Variants in CSMD1 observed in about 807,000 individuals in gnomAD.
CSMD1 encodes CUB and Sushi multiple domains 1.
A neutral mutation model predicts 417.5 loss-of-function variants in CSMD1; 213 were observed. The observed-to-expected ratio is 0.51, with a 90% CI of 0.46 to 0.57. The LOEUF (loss-of-function observed/expected upper bound fraction) is 0.57. Among genes scored for constraint, CSMD1 ranks in the 20% least tolerant of loss-of-function variants. CSMD1 has a pLI of 0.00. For missense variants in CSMD1, 6,923 were observed against 4,529.7 expected, an observed-to-expected ratio of 1.53 and a Z score of -15.17; for synonymous variants, 2,862 against 1,736.8, an observed-to-expected ratio of 1.65 and a Z score of -16.11.
rs117047357 is a variant in CSMD1 at position 3,904,526 on chromosome 8, C to G, written c.818+93377G>C. Among the ~76,000 whole-genome samples the G allele has an allele frequency of 7.2e-3, 1,098 of 152,218 alleles. 40 individuals carry two copies. Among genetic ancestry groups the G allele is most frequent in the Admixed American group, 0.05 (760 of 15,290 alleles). The stretch of plus-strand genomic sequence containing the variant: ...GTATTCCACATTTCTAAGAAACTGA[C>G]AGGTGATACCAAAGCTGTTGTATGT... On this transcript the variant is annotated intron_variant, in intron 5 of 69. Coordinates refer to ENST00000635120, the MANE Select transcript of CSMD1 (RefSeq NM_033225.6).
intron 6 of CSMD1, among the ~76,000 whole-genome samples, chr8:3,746,853 G>A (rs4639541): frequency 0.075 from 11,352 of 152,138 alleles, 477 homozygotes; most frequent in East Asian, 0.1. Flanking sequence ...GGTCAATAGG[G>A]TGGGGCTAAG....
At chr8:3,622,913 A>T (rs948444148) in intron 7 of CSMD1, among the ~76,000 whole-genome samples, 1 of 152,194 alleles carries the variant, frequency 6.6e-6, no homozygotes, top group Non-Finnish European at 1.5e-5. Context: ...ATTTTCAAAG[A>T]GAGGAATTAC....
rs142621178 is a variant in CSMD1 at position 4,383,111 on chromosome 8, T to C, written c.415+36842A>G. Among the ~76,000 whole-genome samples, 18 of 152,300 alleles carry C rather than the reference T, an allele frequency of 1.2e-4. No individual in the cohort carries two copies. The East Asian group carries it at 3.5e-3, about 29-fold the overall frequency. ...AATGCTATCATCCTCTATTATGGGC[T>C]TTCCTGTGTATTAAACTAAGCAACT... On this transcript the variant is annotated intron_variant, in intron 3 of 69. Transcript: ENST00000635120.
At chr8:4,977,499 A>T (rs1236437224) in intron 1 of CSMD1, among the ~76,000 whole-genome samples, 1 of 152,190 alleles carries the variant, frequency 6.6e-6, no homozygotes, top group Non-Finnish European at 1.5e-5. Context: ...CTTTCTTCAC[A>T]TTGGCATGAA....
chr8:3,847,033 C>G (rs1315623827), intron 5 of CSMD1, among the ~76,000 whole-genome samples: 2 of 152,094 alleles, frequency 1.3e-5, no homozygotes, highest in African/African-American at 4.8e-5. Flanking sequence ...GATGATGCCT[C>G]TTAGCAATCT....
At chr8:3,651,341 C>G (rs750235459) in intron 7 of CSMD1, among the ~76,000 whole-genome samples, 1 of 152,060 alleles carries the variant, frequency 6.6e-6, no homozygotes, top group Non-Finnish European at 1.5e-5. Context: ...CTAGTCCCCA[C>G]CCCCACACAC....
At chr8:4,547,932 G>A (rs977095987) in intron 2 of CSMD1, among the ~76,000 whole-genome samples, 12 of 152,194 alleles carry the variant, frequency 7.9e-5, no homozygotes, top group African/African-American at 2.2e-4. Flanking sequence ...AAACAACTTT[G>A]TTTTGGGTCT....
intron 7 of CSMD1, among the ~76,000 whole-genome samples, chr8:3,689,482 T>C (rs1456704260): frequency 1.3e-5 from 2 of 152,184 alleles, no homozygotes; most frequent in African/African-American, 4.8e-5. Flanking sequence ...GAAGACAGAA[T>C]AGTGTTTTTA....
rs569807493 is a variant in CSMD1, at chr8:3,903,650, G to A, written c.818+94253C>T. Reference sequence around the variant, plus strand: ...TAATGTGTCAGAAAATAAGGTTCTTGTTCCTTACAAATTGACCCTGGCTGT... The same window carrying A: ...TAATGTGTCAGAAAATAAGGTTCTTATTCCTTACAAATTGACCCTGGCTGT... On this transcript the variant is annotated intron_variant, in intron 5 of 69. Transcript: ENST00000635120. 4.1e-4 allele frequency among the ~76,000 whole-genome samples: 63 copies of A among 152,202 alleles called. 2 individuals carry two copies. The highest frequency in any genetic ancestry group is 1.9e-3 in the South Asian group (9 of 4,808).
At chr8:3,085,536 G>A (rs1377087575) in intron 49 of CSMD1, among the ~76,000 whole-genome samples, 2 of 152,188 alleles carry the variant, frequency 1.3e-5, no homozygotes, top group Non-Finnish European at 2.9e-5. Context: ...ACAAAGAAGA[G>A]ATACCCTGAT....
intron 5 of CSMD1, among the ~76,000 whole-genome samples, chr8:3,931,175 T>A (rs7001703): frequency 0.36 from 54,229 of 150,234 alleles, 11,682 homozygotes; most frequent in African/African-American, 0.45. Context: ...TTTTAAAGCA[T>A]CTTCCCCTCA....
intron 41 of CSMD1, among the ~76,000 whole-genome samples, chr8:3,125,319 C>T (rs1367761511): frequency 6.6e-6 from 1 of 152,228 alleles, no homozygotes; most frequent in Admixed American, 6.5e-5. Flanking sequence ...CCAGGCCACA[C>T]AGGTGTGAGA....
At chr8:3,228,542 G>A (rs992712989) in intron 27 of CSMD1, among the ~76,000 whole-genome samples, 20 of 152,264 alleles carry the variant, frequency 1.3e-4, no homozygotes, top group African/African-American at 4.8e-4. Context: ...GGTAGAGACA[G>A]GGGTATTTAT....
intron 12 of CSMD1, among the ~76,000 whole-genome samples, chr8:3,435,062 G>A (rs1007363592): frequency 4.6e-5 from 7 of 152,010 alleles, no homozygotes; most frequent in African/African-American, 1.2e-4. Context: ...AGCCCCTGGT[G>A]GGAGCTGCTA....
chr8:4,983,663 C>T (rs942572933), intron 1 of CSMD1, among the ~76,000 whole-genome samples: 4 of 152,216 alleles, frequency 2.6e-5, no homozygotes, highest in Non-Finnish European at 5.9e-5. Flanking sequence ...GCTTGGATTA[C>T]GGGTGCCAGC....
chr8:3,642,712 A>G (rs1797367889), intron 7 of CSMD1, among the ~76,000 whole-genome samples: 1 of 152,290 alleles, frequency 6.6e-6, no homozygotes, highest in East Asian at 1.9e-4. Flanking sequence ...TATTTAACAT[A>G]TATCTATTAG....
At chr8:3,825,136 G>A (rs556627781) in intron 5 of CSMD1, among the ~76,000 whole-genome samples, 1 of 152,226 alleles carries the variant, frequency 6.6e-6, no homozygotes, top group East Asian at 1.9e-4. Context: ...GGAAGCACAG[G>A]GGAGATTTCT....
chr8:4,222,439 T>C (rs1187900781), intron 3 of CSMD1, among the ~76,000 whole-genome samples: 1 of 151,940 alleles, frequency 6.6e-6, no homozygotes, highest in Non-Finnish European at 1.5e-5. Context: ...GTGAGGTCTT[T>C]GTGCATTGTG....
At chr8:4,629,745 G>C (rs188139144) in intron 2 of CSMD1, among the ~76,000 whole-genome samples, 3 of 152,110 alleles carry the variant, frequency 2.0e-5, no homozygotes, top group Non-Finnish European at 2.9e-5. Context: ...GCAAAGACTA[G>C]ATTTACTATT....
Sources: allele counts gnomAD v4.1 joint callset (sites outside exome capture counted in the v4.1 genomes callset), GRCh38; gene constraint gnomAD v4.1.1; transcripts MANE v1.5; gene names NCBI Gene and HGNC (gene_info 2026-07-23, HGNC 2026-07-21).